The following SASH1 variants were observed in gnomAD, a reference collection of about 807,000 sequenced individuals.
SASH1 encodes SAM and SH3 domain containing 1, also known as SAM and SH3 domain-containing protein 1.
SASH1 carries 44 observed loss-of-function variants against 125.2 expected under a neutral mutation model. The observed-to-expected ratio is 0.35, with a 90% CI of 0.28 to 0.45. The LOEUF is 0.45. SASH1 is among the 20% of genes least tolerant of loss of function. The pLI is 1.00. For synonymous variants in SASH1, 639 were observed against 649.1 expected (o/e 0.98, Z 0.24); for missense variants, 1,426 against 1,614.5 (o/e 0.88, Z 2.00).
the SASH1 span, among the ~76,000 whole-genome samples, chr6:148,193,631 T>C: frequency 6.6e-6 from 1 of 152,200 alleles, no homozygotes; most frequent in Non-Finnish European, 1.5e-5. Context: ...TAATGGTAAG[T>C]TGAATAAAGT....
chr6:148,519,848 C>T lies in SASH1; in HGVS notation c.1164C>T (p.Leu388=). 1 of 1,604,924 alleles carries T rather than the reference C, an allele frequency of 6.2e-7. No individual in the cohort carries two copies. Among genetic ancestry groups the T allele is most frequent in the Non-Finnish European group, 8.5e-7 (1 of 1,176,182 alleles). ...EEKAQKVSRS[L]TEGEMKKGLG... ...AGGCCCAGAAAGTGTCCCGCTCCCT[C>T]ACCGAGGGGGAGATGAAGAAGGGTC... The change falls in exon 10 of 20, where the codon CTC becomes CTT. Residue 388 remains leucine, a synonymous_variant. Coordinates refer to ENST00000367467, the MANE Select transcript of SASH1 (RefSeq NM_015278.5). This position sits in a 1 kb window ranked among gnomAD's most constrained non-coding sequence, Gnocchi z 4.8.
At chr6:148,357,918 G>T (rs554909893) in intron 1 of SASH1, among the ~76,000 whole-genome samples, 2 of 151,846 alleles carry the variant, frequency 1.3e-5, no homozygotes, top group Non-Finnish European at 2.9e-5. Context: ...AAATTAGCCC[G>T]GTGTGGTGGC....
chr6:148,446,088 C>CTTTTT (rs576798745), intron 4 of SASH1, among the ~76,000 whole-genome samples: 1 of 71,002 alleles, frequency 1.4e-5, no homozygotes. Context: ...ACATAGGGTT[C>CTTTTT]TTTTTTTTTT....
intron 2 of SASH1, among the ~76,000 whole-genome samples, chr6:148,423,978 G>A (rs1168079411): frequency 2.0e-5 from 3 of 151,090 alleles, no homozygotes; most frequent in Admixed American, 1.3e-4. Flanking sequence ...TGGAATTATA[G>A]TAGTCGGTCA....
At chr6:148,508,153 A>G (rs1371434609) in intron 8 of SASH1, among the ~76,000 whole-genome samples, 37 of 152,212 alleles carry the variant, frequency 2.4e-4, no homozygotes, top group Admixed American at 2.4e-3. Context: ...ATGAAGGGGA[A>G]ATATCCTACA....
intron 1 of SASH1, among the ~76,000 whole-genome samples, chr6:148,326,414 C>CTTTTCTTTTTTTTTT (rs57839850): frequency 2.4e-5 from 2 of 83,976 alleles, no homozygotes; most frequent in Non-Finnish European, 4.7e-5. Context: ...CTTTTCTTTT[C>CTTTTCTTTTTTTTTT]TTTTTTTTGA....
At chr6:148,280,036 C>T (rs1779294157) in intron 1 of SASH1, among the ~76,000 whole-genome samples, 1 of 107,640 alleles carries the variant, frequency 9.3e-6, no homozygotes, top group South Asian at 3.9e-4. Context: ...CGACATTCCC[C>T]CCAACATTCC....
At chr6:148,527,337 T>C in intron 11 of SASH1, 116 bp from the exon 12 acceptor site, 1 of 910,750 alleles carries the variant, frequency 1.1e-6, no homozygotes, top group Non-Finnish European at 1.6e-6. Flanking sequence ...AAGAAAAACG[T>C]CAAGATCCAT....
chr6:148,520,689 G>A (rs1393359092), intron 10 of SASH1, among the ~76,000 whole-genome samples: 2 of 152,118 alleles, frequency 1.3e-5, no homozygotes, highest in African/African-American at 4.8e-5. Context: ...AGGAGTGGCT[G>A]TCTTGATTCT....
intron 7 of SASH1, among the ~76,000 whole-genome samples, chr6:148,486,794 G>T (rs1308483283): frequency 6.8e-6 from 1 of 147,978 alleles, no homozygotes; most frequent in Non-Finnish European, 1.5e-5. Flanking sequence ...GCATGGTGGT[G>T]CATGCCTGTA....
chr6:148,294,182 C>T (rs965790897), intron 1 of SASH1, among the ~76,000 whole-genome samples: 1 of 152,186 alleles, frequency 6.6e-6, no homozygotes, highest in African/African-American at 2.4e-5. Flanking sequence ...CAAAAAAATT[C>T]GGGTCCATGG....
the SASH1 span, among the ~76,000 whole-genome samples, chr6:148,197,874 G>T: frequency 6.6e-6 from 1 of 152,120 alleles, no homozygotes; most frequent in Admixed American, 6.5e-5. Context: ...TTTTGAGATG[G>T]AGTCTGGCTC....
chr6:148,302,037 C>T (rs572412606), intron 1 of SASH1, among the ~76,000 whole-genome samples: 63 of 150,930 alleles, frequency 4.2e-4, no homozygotes, highest in African/African-American at 1.2e-3. Flanking sequence ...AGTAATAGGC[C>T]GGGCGTGGCG....
intron 2 of SASH1, among the ~76,000 whole-genome samples, chr6:148,395,839 A>G (rs758396123): frequency 4.6e-5 from 7 of 152,218 alleles, no homozygotes; most frequent in Non-Finnish European, 1.0e-4. Flanking sequence ...ACATCTGTCA[A>G]AGTGACACCA....
At chr6:148,390,568 C>T (rs1298088364) in intron 2 of SASH1, among the ~76,000 whole-genome samples, 1 of 152,120 alleles carries the variant, frequency 6.6e-6, no homozygotes, top group Admixed American at 6.5e-5. Flanking sequence ...GGGCGGATCA[C>T]GAGGTCAGGA....
intron 1 of SASH1, among the ~76,000 whole-genome samples, chr6:148,355,785 C>T (rs1562346053): frequency 6.6e-6 from 1 of 152,134 alleles, no homozygotes; most frequent in Non-Finnish European, 1.5e-5. Flanking sequence ...TTAGAATGAT[C>T]ATATTTACAT....
At chr6:148,496,746 G>A (rs1023384105) in intron 8 of SASH1, among the ~76,000 whole-genome samples, 6 of 152,058 alleles carry the variant, frequency 3.9e-5, no homozygotes, top group African/African-American at 1.2e-4. Context: ...GGTGGCACAC[G>A]CCTGTAGTCC....
chr6:148,484,766 C>T (rs1778771538), intron 7 of SASH1, among the ~76,000 whole-genome samples: 1 of 152,058 alleles, frequency 6.6e-6, no homozygotes, highest in African/African-American at 2.4e-5. Context: ...CATGATGAAA[C>T]CTCATCTCTA....
At position 148,525,288 on chromosome 6, in the gene SASH1, C is replaced by T. The variant is rs1781075349; in HGVS notation, c.1210-3C>T. ...TTTTTCTGCCCTACCCTCTTTTCCA[C>T]AGAGAACCTGCAGTTTTGGAGGATT... is the stretch of plus-strand genomic sequence containing the variant. On this transcript the variant is annotated splice_polypyrimidine_tract_variant and splice_region_variant and intron_variant, in intron 10 of 19. Coordinates refer to ENST00000367467, the MANE Select transcript of SASH1 (RefSeq NM_015278.5). The T allele has an allele frequency of 1.9e-6, 3 of 1,613,808 alleles. No individual in the cohort carries two copies. The highest frequency in any genetic ancestry group is 1.7e-6 in the Non-Finnish European group (2 of 1,179,710).
Sources: gnomAD v4.1 joint callset for allele counts (sites outside exome capture counted in the v4.1 genomes callset) on GRCh38, gnomAD v4.1.1 for gene constraint, Gnocchi (gnomAD v3.1) non-coding constraint, MANE v1.5 for transcripts, NCBI Gene and HGNC (gene_info 2026-07-23, HGNC 2026-07-21) for gene names.